The following RIN3 variants were observed in gnomAD, a reference collection of about 807,000 sequenced individuals.
RIN3 encodes the protein Ras and Rab interactor 3, also known as RAB5 interacting protein 3.
In RIN3, 54 loss-of-function variants were observed where a neutral mutation model predicts 76.3. The observed-to-expected ratio is 0.71, with a 90% CI of 0.57 to 0.89. RIN3 has a LOEUF of 0.89. Ranked by LOEUF, RIN3 falls within the 40% of genes least tolerant of loss-of-function variation. The pLI, the probability that RIN3 is intolerant of heterozygous loss-of-function variation, is 0.00. For missense variants in RIN3, 1,256 were observed against 1,322.1 expected, an observed-to-expected ratio of 0.95 and a Z score of 0.78; for synonymous variants, 576 against 564.0, an observed-to-expected ratio of 1.02 and a Z score of -0.30.
chr14:92,636,012 A>G (rs779960150), intron 4 of RIN3, among the ~76,000 whole-genome samples: 2 of 152,204 alleles, frequency 1.3e-5, no homozygotes, highest in Non-Finnish European at 2.9e-5. Flanking sequence ...AGATGCAGGC[A>G]TTGTCACTTA....
chr14:92,636,160 A>G (rs1886767539), intron 4 of RIN3, among the ~76,000 whole-genome samples: 1 of 152,186 alleles, frequency 6.6e-6, no homozygotes, highest in Non-Finnish European at 1.5e-5. Context: ...AGTGCTTAAA[A>G]CTGCTCCTGG....
At chr14:92,592,606 G>T (rs1281809116) in intron 3 of RIN3, among the ~76,000 whole-genome samples, 1 of 150,652 alleles carries the variant, frequency 6.6e-6, no homozygotes, top group African/African-American at 2.4e-5. Context: ...TAAGTACTAT[G>T]TAAATAGTTG....
intron 3 of RIN3, among the ~76,000 whole-genome samples, chr14:92,589,796 A>G (rs1359803733): frequency 1.3e-5 from 2 of 152,066 alleles, no homozygotes; most frequent in Non-Finnish European, 2.9e-5. Context: ...GGATTAGAAA[A>G]CCTGGCTTCT....
chr14:92,579,796 A>G (rs756607078), intron 3 of RIN3, among the ~76,000 whole-genome samples: 1 of 152,248 alleles, frequency 6.6e-6, no homozygotes, highest in African/African-American at 2.4e-5. Context: ...ACACACTGGT[A>G]TGGGAAACAG....
At chr14:92,642,641 G>C (rs1026456521) in intron 5 of RIN3, among the ~76,000 whole-genome samples, 2 of 152,126 alleles carry the variant, frequency 1.3e-5, no homozygotes, top group Non-Finnish European at 2.9e-5. Flanking sequence ...GTGACCCAGA[G>C]GGCAGAACCA....
At chr14:92,624,877 G>T (rs1373104329) in intron 4 of RIN3, among the ~76,000 whole-genome samples, 1 of 152,158 alleles carries the variant, frequency 6.6e-6, no homozygotes, top group Admixed American at 6.5e-5. Context: ...GGTGTGATGG[G>T]TCCATCCTTT....
In RIN3 at chr14:92,653,137, C is replaced by T. The variant is rs554883599; in HGVS notation, c.2026+62C>T. The T allele has an allele frequency of 2.0e-6, 3 of 1,499,864 alleles. No individual in the cohort carries two copies. In the South Asian group the frequency reaches 3.8e-5, roughly 19 times the overall value. 92.9% of individuals were successfully genotyped at this position (1,499,864 alleles called of 1,614,324 possible). ...GCGGTGGGGCTCACAGACTCAGGAA[C>T]CCCTTAGGACAAAAGAGGCCTATGC... On this transcript the variant is annotated intron_variant, in intron 6 of 9. Transcript: ENST00000216487.
intron 2 of RIN3, among the ~76,000 whole-genome samples, chr14:92,572,850 C>T (rs1305169185): frequency 6.7e-6 from 1 of 148,474 alleles, no homozygotes; most frequent in Non-Finnish European, 1.5e-5. Flanking sequence ...CTGGTGGTCT[C>T]CTGTAGAAGG....
chr14:92,627,907 T>G (rs4900136), intron 4 of RIN3, among the ~76,000 whole-genome samples: 20,243 of 152,272 alleles, frequency 0.13, 1,741 homozygotes, highest in Middle Eastern at 0.24. Context: ...GAAGGGCGCT[T>G]CCTGCATGCA....
chr14:92,541,729 G>C (rs1354027796), intron 1 of RIN3, among the ~76,000 whole-genome samples: 1 of 152,146 alleles, frequency 6.6e-6, no homozygotes. Context: ...ACTAGGTAAT[G>C]GTTTCTTAGG....
intron 4 of RIN3, among the ~76,000 whole-genome samples, chr14:92,616,486 C>T (rs1039026516): frequency 2.6e-5 from 4 of 152,130 alleles, no homozygotes; most frequent in African/African-American, 9.7e-5. Flanking sequence ...GTGAATCAGC[C>T]TTATGTTCCC....
chr14:92,605,890 A>C (rs765262703), intron 3 of RIN3, among the ~76,000 whole-genome samples: 1 of 152,376 alleles, frequency 6.6e-6, no homozygotes, highest in South Asian at 2.1e-4. Context: ...CGTTAATTAA[A>C]GCAGATTGGG....
rs753715420 is a variant in RIN3, at chr14:92,652,714, G to A, written c.1665G>A (p.Thr555=). The part of the protein sequence containing the change: ...TDQDSYSTSS[T]EEELEQFSSP... ...AGGACTCCTACTCCACCAGCAGCAC[G>A]GAGGAGGAGCTGGAGCAGTTCAGCA... The change falls in exon 6 of 10, where the codon ACG becomes ACA. Residue 555 remains threonine, a synonymous_variant. Coordinates refer to ENST00000216487, the MANE Select transcript of RIN3 (RefSeq NM_024832.5). The surrounding 1 kb of genome is among the most constrained non-coding windows in gnomAD (Gnocchi z 6.4). 47 of 1,613,530 alleles carry A rather than the reference G, an allele frequency of 2.9e-5. No homozygotes were observed. The highest frequency in any genetic ancestry group is 5.3e-5 in the African/African-American group (4 of 74,930).
rs976448697 is a variant in RIN3 at position 92,570,888 on chromosome 14, T to C, written c.250-6472T>C. ...CCCCAGTGATTTGATTGGTTACAGA[T>C]TGCTACAACCTAGGAAGATTACTTT... is the stretch of plus-strand genomic sequence containing the variant. On this transcript the variant is annotated intron_variant, in intron 2 of 9. Coordinates refer to ENST00000216487, the MANE Select transcript of RIN3 (RefSeq NM_024832.5). 7.8e-4 allele frequency among the ~76,000 whole-genome samples: 119 copies of C among 152,346 alleles called. 1 individual carries two copies. The highest frequency in any genetic ancestry group is 6.9e-4 in the Non-Finnish European group (47 of 68,028).
chr14:92,651,719 G>A lies in RIN3; in HGVS notation c.670G>A (p.Glu224Lys), dbSNP rs150422728. 95 of 1,613,914 alleles carry A rather than the reference G, an allele frequency of 5.9e-5. No homozygotes were observed. The highest frequency in any genetic ancestry group is 6.9e-5 in the Non-Finnish European group (82 of 1,180,010). ...AHDANCACEI[E>K]LSVGNDRLWF... ...TGACGCAAACTGTGCCTGTGAAATC[G>A]AGCTGTCGGTAGGAAATGACCGCCT... Residue 224 changes from glutamate (E) to lysine (K), a missense_variant, in exon 6 of 10, where the codon GAG (glutamate) becomes AAG (lysine). By Grantham distance (56) the Glu-to-Lys change is moderately conservative. Around this residue, in one of 3 missense-constraint regions of RIN3, gnomAD observed 610 missense variants for 626.4 expected, o/e 0.97. Coordinates refer to ENST00000216487, the MANE Select transcript of RIN3 (RefSeq NM_024832.5).
chr14:92,620,724 T>C (rs1886145570), intron 4 of RIN3, among the ~76,000 whole-genome samples: 1 of 152,186 alleles, frequency 6.6e-6, no homozygotes, highest in Non-Finnish European at 1.5e-5. Context: ...TAAGTTTTCC[T>C]ACTCAATTTA....
intron 3 of RIN3, among the ~76,000 whole-genome samples, chr14:92,612,830 C>T (rs1249891938): frequency 6.6e-5 from 10 of 152,260 alleles, no homozygotes; most frequent in South Asian, 2.1e-4. Flanking sequence ...CTGCGTCTAG[C>T]GTCGTGTTGG....
At chr14:92,684,154 C>T (rs377668564) in intron 8 of RIN3, among the ~76,000 whole-genome samples, 1 of 151,846 alleles carries the variant, frequency 6.6e-6, no homozygotes, top group South Asian at 2.1e-4. Context: ...CTGAGGCGGG[C>T]GGATCACCTG....
chr14:92,561,044 A>AAAAATATATATAT (rs1555383856), intron 2 of RIN3, among the ~76,000 whole-genome samples: 1 of 24,404 alleles, frequency 4.1e-5, no homozygotes, highest in Admixed American at 6.8e-4. Flanking sequence ...AAAAAAAAAA[A>AAAAATATATATAT]ATATATATAT....
Sources: gnomAD v4.1 joint callset for allele counts (sites outside exome capture counted in the v4.1 genomes callset) on GRCh38, gnomAD v4.1.1 for gene constraint, gnomAD v4.1.1 regional missense constraint, Gnocchi (gnomAD v3.1) non-coding constraint, MANE v1.5 for transcripts, NCBI Gene and HGNC (gene_info 2026-07-23, HGNC 2026-07-21) for gene names.